Variants in SV2B observed in about 807,000 individuals in gnomAD.
SV2B encodes synaptic vesicle glycoprotein 2B.
In SV2B, 41 loss-of-function variants were observed where a neutral mutation model predicts 73.9. The observed-to-expected ratio is 0.56, with a 90% CI of 0.43 to 0.72. SV2B has a LOEUF of 0.72. Ranked by LOEUF, SV2B falls within the 30% of genes least tolerant of loss-of-function variation. The pLI is 0.00. For synonymous variants in SV2B, 314 were observed against 314.2 expected (o/e 1.00, Z 0.01); for missense variants, 764 against 857.8 (o/e 0.89, Z 1.37).
rs1230505998 is a variant in SV2B at position 91,302,480 on chromosome 15, G to C, written c.*9928G>C. Among the ~76,000 whole-genome samples, 1 of 152,150 alleles carries C rather than the reference G, an allele frequency of 6.6e-6. No individual in the cohort carries two copies. The highest frequency in any genetic ancestry group is 1.9e-4 in the East Asian group (1 of 5,188). ...TGGAAGCATTTCGGTATTTTAACAA[G>C]TATGAAAGTAGCTATGTGAATTTGC... On this transcript the variant is annotated 3_prime_UTR_variant, in exon 13 of 13. Coordinates refer to ENST00000394232, the MANE Select transcript of SV2B (RefSeq NM_001323032.3).
intron 1 of SV2B, among the ~76,000 whole-genome samples, chr15:91,190,966 C>G (rs2141350138): frequency 6.7e-6 from 1 of 149,788 alleles, no homozygotes; most frequent in Admixed American, 6.6e-5. Flanking sequence ...TTTTGTCTAC[C>G]TTTATTTATC....
rs1476631255 is a variant in SV2B, at chr15:91,122,196, G to A, written c.-392+21833G>A. On this transcript the variant is annotated intron_variant, in intron 1 of 12. Transcript: ENST00000394232. The surrounding 1 kb of genome is among the most constrained non-coding windows in gnomAD (Gnocchi z 4.3). ...TCCCACTATCTCAGCTACTAGAAAT[G>A]TATTATCTCATCGATATATGTTCCA... Among the ~76,000 whole-genome samples, 1 of 152,188 alleles carries A rather than the reference G, an allele frequency of 6.6e-6. No individual in the cohort carries two copies. Among genetic ancestry groups the A allele is most frequent in the Non-Finnish European group, 1.5e-5 (1 of 68,040 alleles).
intron 1 of SV2B, among the ~76,000 whole-genome samples, chr15:91,168,745 C>T (rs1241673507): frequency 6.6e-6 from 1 of 152,166 alleles, no homozygotes; most frequent in African/African-American, 2.4e-5. Context: ...CCTGCTATTA[C>T]TTATTTTTTA....
intron 9 of SV2B, among the ~76,000 whole-genome samples, chr15:91,271,099 C>G (rs956307603): frequency 1.3e-5 from 2 of 151,914 alleles, no homozygotes; most frequent in Admixed American, 6.6e-5. Flanking sequence ...GATGGTGAAT[C>G]CTGTGGATGA....
At chr15:91,184,702 G>A (rs1307290465) in intron 1 of SV2B, among the ~76,000 whole-genome samples, 1 of 152,136 alleles carries the variant, frequency 6.6e-6, no homozygotes, top group African/African-American at 2.4e-5. Context: ...AAAGCCATGT[G>A]TTTCATTTTA....
intron 1 of SV2B, among the ~76,000 whole-genome samples, chr15:91,219,522 G>A (rs1236037114): frequency 6.6e-6 from 1 of 152,152 alleles, no homozygotes; most frequent in Non-Finnish European, 1.5e-5. Context: ...TTCCATGGAT[G>A]TTAATGAGGA....
rs1792249816 is a variant in SV2B, at chr15:91,100,266, GC to G, written c.-486del. 6.6e-6 allele frequency: 1 copy of G among 152,114 alleles called. No individual in the cohort carries two copies. Among genetic ancestry groups the G allele is most frequent in the African/African-American group, 2.4e-5 (1 of 41,438 alleles). 9.4% of individuals were successfully genotyped at this position (152,114 alleles called of 1,614,324 possible). On this transcript the variant is annotated 5_prime_UTR_variant, in exon 1 of 13. Transcript: ENST00000394232. The surrounding 1 kb of genome is among the most constrained non-coding windows in gnomAD (Gnocchi z 6.4). ...GCCGGCGCCTGCCTCCGCCCGGATC[GC>G]CCAGCTCCGCGTTAGCCGGAGCTGC...
intron 1 of SV2B, among the ~76,000 whole-genome samples, chr15:91,198,455 ATGTGTGTGTG>A (rs5814467): frequency 2.9e-4 from 40 of 136,846 alleles, no homozygotes; most frequent in South Asian, 1.8e-3. Context: ...AAGCACGTGT[ATGTGTGTGTG>A]TGTGTGTGTG....
At chr15:91,163,855 TGGTATTGCCTA>T (rs1360894882) in intron 1 of SV2B, among the ~76,000 whole-genome samples, 1 of 152,234 alleles carries the variant, frequency 6.6e-6, no homozygotes, top group Non-Finnish European at 1.5e-5. Flanking sequence ...ATGTCCTGAA[TGGTATTGCCTA>T]GGTTTTCTTC....
At chr15:91,120,262 A>T (rs1050032634) in intron 1 of SV2B, among the ~76,000 whole-genome samples, 2 of 152,314 alleles carry the variant, frequency 1.3e-5, no homozygotes, top group African/African-American at 4.8e-5. Flanking sequence ...GTGAAGGGGA[A>T]GCAAGCACCT....
chr15:91,162,448 T>A (rs1352433670), intron 1 of SV2B, among the ~76,000 whole-genome samples: 1 of 152,242 alleles, frequency 6.6e-6, no homozygotes, highest in Non-Finnish European at 1.5e-5. Flanking sequence ...TTCATTGGCT[T>A]GGAAAGCTGT....
rs977900137 is a variant in SV2B at position 91,266,710 on chromosome 15, C to G, written c.1119+18C>G. The G allele has an allele frequency of 6.3e-7, 1 of 1,593,004 alleles. No individual in the cohort carries two copies. The highest frequency in any genetic ancestry group is 1.3e-5 in the African/African-American group (1 of 74,292). ...TCAAGCAGGTATGATTGGGAACTTA[C>G]TTTGGATGAGGATGCGTCTCTATGG... is the stretch of plus-strand genomic sequence containing the variant. On this transcript the variant is annotated intron_variant, in intron 7 of 12. Transcript: ENST00000394232.
chr15:91,131,389 G>T (rs1372131538), intron 1 of SV2B, among the ~76,000 whole-genome samples: 2 of 151,738 alleles, frequency 1.3e-5, no homozygotes, highest in Non-Finnish European at 2.9e-5. Flanking sequence ...TCTGTATTGG[G>T]GGGGGTTGGG....
rs2047205106 is a variant in SV2B, at chr15:91,245,942, CA to C, written c.452-5875del. On this transcript the variant is annotated intron_variant, in intron 2 of 12. Transcript: ENST00000394232. This position sits in a 1 kb window ranked among gnomAD's most constrained non-coding sequence, Gnocchi z 4.2. ...TAGAAGATTGGCAAAGTACATTTTA[CA>C]AGTAAAATATCTATGCTCTGTCCCT... is the stretch of plus-strand genomic sequence containing the variant. Among the ~76,000 whole-genome samples the C allele has an allele frequency of 2.0e-5, 3 of 151,144 alleles. No homozygotes were observed. The highest frequency in any genetic ancestry group is 7.3e-5 in the African/African-American group (3 of 41,204).
At position 91,285,758 on chromosome 15, in the gene SV2B, C is replaced by T. The variant is rs1336369492; in HGVS notation, c.1708+1537C>T. On this transcript the variant is annotated intron_variant, in intron 11 of 12. Coordinates refer to ENST00000394232, the MANE Select transcript of SV2B (RefSeq NM_001323032.3). ...TTACCAATGGAGTCTCTGGTCTGTT[C>T]ATGAAGCAGCTGAGGAAGTTCTGGG... is the stretch of plus-strand genomic sequence containing the variant. Among the ~76,000 whole-genome samples the T allele has an allele frequency of 2.0e-5, 3 of 152,264 alleles. No individual in the cohort carries two copies. The East Asian group carries it at 5.8e-4, about 29-fold the overall frequency.
At chr15:91,226,744 A>G (rs1471620236) in intron 2 of SV2B, 30 bp downstream of exon 2, 1 of 1,588,924 alleles carries the variant, frequency 6.3e-7, no homozygotes, top group Admixed American at 1.8e-5. Flanking sequence ...GATCCCTCCA[A>G]TGAAAGGGAA....
intron 1 of SV2B, among the ~76,000 whole-genome samples, chr15:91,193,405 A>AT (rs971753684): frequency 2.0e-5 from 3 of 152,108 alleles, no homozygotes; most frequent in Non-Finnish European, 4.4e-5. Flanking sequence ...CAAGTTGGAT[A>AT]TTTAAAAAAA....
At position 91,118,146 on chromosome 15, in the gene SV2B, A is replaced by G. The variant is rs2042230535; in HGVS notation, c.-392+17783A>G. Among the ~76,000 whole-genome samples, 1 of 152,170 alleles carries G rather than the reference A, an allele frequency of 6.6e-6. No homozygotes were observed. Among genetic ancestry groups the G allele is most frequent in the Admixed American group, 6.5e-5 (1 of 15,286 alleles). ...TTTTTGTTCCCCATAAAACCAAGAA[A>G]AGGGCCTCCAAGAGACTCCCTTATG... On this transcript the variant is annotated intron_variant, in intron 1 of 12. Transcript: ENST00000394232. The surrounding 1 kb of genome is among the most constrained non-coding windows in gnomAD (Gnocchi z 4.7).
At position 91,265,105 on chromosome 15, in the gene SV2B, G is replaced by T. The variant is rs549203284; in HGVS notation, c.1009-1477G>T. On this transcript the variant is annotated intron_variant, in intron 6 of 12. Transcript: ENST00000394232. The surrounding 1 kb of genome is among the most constrained non-coding windows in gnomAD (Gnocchi z 4.2). ...CGGTCAGGGGCGGGTACTCAGCCCA[G>T]CTTGAAGGTGTTACCTGTTTTACTC... is the stretch of plus-strand genomic sequence containing the variant. Among the ~76,000 whole-genome samples, 5 of 152,344 alleles carry T rather than the reference G, an allele frequency of 3.3e-5. No homozygotes were observed. Among genetic ancestry groups the T allele is most frequent in the African/African-American group, 1.2e-4 (5 of 41,576 alleles).
Sources: allele counts gnomAD v4.1 joint callset (sites outside exome capture counted in the v4.1 genomes callset), GRCh38; gene constraint gnomAD v4.1.1; non-coding constraint Gnocchi (gnomAD v3.1); transcripts MANE v1.5; gene names NCBI Gene and HGNC (gene_info 2026-07-23, HGNC 2026-07-21).